Variants in LMBRD1 observed in about 807,000 individuals in gnomAD.
LMBRD1 encodes the protein LMBR1 domain containing 1.
A neutral mutation model predicts 74.8 loss-of-function variants in LMBRD1; 64 were observed. The observed-to-expected ratio is 0.86, with a 90% CI of 0.70 to 1.05. The LOEUF (loss-of-function observed/expected upper bound fraction) is 1.05, where lower values mean the gene tolerates loss of function less well. Ranked by LOEUF, LMBRD1 falls within the 50% of genes least tolerant of loss-of-function variation. LMBRD1 has a pLI of 0.00. For missense variants in LMBRD1, 652 were observed against 645.9 expected (o/e 1.01, Z -0.10); for synonymous variants, 204 against 216.3 (o/e 0.94, Z 0.50).
chr6:69,705,503 G>T, intron 9 of LMBRD1: 1 of 1,235,510 alleles, frequency 8.1e-7, no homozygotes, highest in Non-Finnish European at 1.2e-6. Flanking sequence ...ATTCTTACCC[G>T]TTTGATCTTG....
chr6:69,707,682 C>T (rs912095026), intron 9 of LMBRD1, among the ~76,000 whole-genome samples: 1 of 152,022 alleles, frequency 6.6e-6, no homozygotes, highest in Non-Finnish European at 1.5e-5. Context: ...GGTGTATTCA[C>T]ATTTGTTGAT....
At chr6:69,690,061 A>ATT (rs11365730) in intron 14 of LMBRD1, among the ~76,000 whole-genome samples, 3 of 147,848 alleles carry the variant, frequency 2.0e-5, no homozygotes, top group Non-Finnish European at 3.0e-5. Flanking sequence ...TCATTCATTC[A>ATT]TTTTTTTTTT....
chr6:69,775,760 C>A (rs1039624531), intron 3 of LMBRD1, among the ~76,000 whole-genome samples: 1 of 152,266 alleles, frequency 6.6e-6, no homozygotes, highest in Non-Finnish European at 1.5e-5. Context: ...ATTTTGTCTG[C>A]GCTCTTTGAG....
intron 14 of LMBRD1, among the ~76,000 whole-genome samples, chr6:69,681,051 C>T (rs761068206): frequency 2.0e-5 from 3 of 152,000 alleles, no homozygotes; most frequent in African/African-American, 7.2e-5. Flanking sequence ...ATTCCAGAAA[C>T]TTCTGACTGT....
intron 5 of LMBRD1, chr6:69,745,930 G>A: frequency 4.4e-6 from 1 of 228,396 alleles, no homozygotes; most frequent in Non-Finnish European, 8.8e-6. Context: ...GGTCACCAGA[G>A]CTCCTTTTAA....
At chr6:69,771,601 G>A (rs896546458) in intron 3 of LMBRD1, among the ~76,000 whole-genome samples, 1 of 152,156 alleles carries the variant, frequency 6.6e-6, no homozygotes, top group Non-Finnish European at 1.5e-5. Flanking sequence ...AGTTTGCCTA[G>A]CACAGCAAAA....
At chr6:69,741,174 T>C (rs2149871035) in intron 6 of LMBRD1, among the ~76,000 whole-genome samples, 1 of 152,254 alleles carries the variant, frequency 6.6e-6, no homozygotes, top group African/African-American at 2.4e-5. Flanking sequence ...CCTAAGTGAA[T>C]TAAAAATCAC....
intron 14 of LMBRD1, 95 bp downstream of exon 14, chr6:69,697,468 C>T (rs888938738): frequency 1.6e-5 from 14 of 849,896 alleles, no homozygotes; most frequent in Non-Finnish European, 2.2e-5. Context: ...CTTCTTACCA[C>T]GTAGTAAAAC....
intron 5 of LMBRD1, among the ~76,000 whole-genome samples, chr6:69,742,876 CA>C (rs999552751): frequency 6.6e-6 from 1 of 151,948 alleles, no homozygotes; most frequent in Non-Finnish European, 1.5e-5. Context: ...CACAGCATGT[CA>C]GGGGGTTACT....
In LMBRD1 at chr6:69,701,960, G is replaced by A. The variant is rs754770328; in HGVS notation, c.916-7C>T. Reference sequence around the variant, plus strand: ...AAAATATTCCCCAGACGATCTAAAAGCAAAAATATATTCATTAAAATATAG... The same window carrying A: ...AAAATATTCCCCAGACGATCTAAAAACAAAAATATATTCATTAAAATATAG... On this transcript the variant is annotated splice_region_variant and splice_polypyrimidine_tract_variant and intron_variant, in intron 9 of 15. Transcript: ENST00000649934. The A allele has an allele frequency of 6.5e-7, 1 of 1,542,788 alleles. No homozygotes were observed. Among genetic ancestry groups the A allele is most frequent in the Admixed American group, 1.7e-5 (1 of 59,612 alleles).
chr6:69,733,354 T>C (rs968725169), intron 7 of LMBRD1, among the ~76,000 whole-genome samples: 26 of 152,170 alleles, frequency 1.7e-4, no homozygotes, highest in Admixed American at 1.1e-3. Flanking sequence ...CAAGGTAAGT[T>C]AGGAGAAAAC....
intron 9 of LMBRD1, among the ~76,000 whole-genome samples, chr6:69,712,912 T>C (rs1766414032): frequency 6.6e-6 from 1 of 152,114 alleles, no homozygotes; most frequent in Admixed American, 6.6e-5. Flanking sequence ...TAGAAAGTTT[T>C]GGAGGTGATG....
chr6:69,709,733 A>G (rs1370001074), intron 9 of LMBRD1, among the ~76,000 whole-genome samples: 1 of 152,188 alleles, frequency 6.6e-6, no homozygotes, highest in Non-Finnish European at 1.5e-5. Flanking sequence ...AGAGTAAGAT[A>G]CAAAGACAAA....
At position 69,674,329 on chromosome 6, in the gene LMBRD1, T is replaced by C. The variant is rs1765503418; in HGVS notation, c.*1829A>G. ...AGGGGACAAGATTTCAACATATGAA[T>C]TGTAAGGGGACACAATTCAGCCTAT... is the stretch of plus-strand genomic sequence containing the variant. On this transcript the variant is annotated 3_prime_UTR_variant, in exon 16 of 16. Coordinates refer to ENST00000649934, the MANE Select transcript of LMBRD1 (RefSeq NM_018368.4). Among the ~76,000 whole-genome samples the C allele has an allele frequency of 1.3e-5, 2 of 152,162 alleles. No homozygotes were observed. The highest frequency in any genetic ancestry group is 4.1e-4 in the South Asian group (2 of 4,832).
At position 69,788,365 on chromosome 6, in the gene LMBRD1, G is replaced by A. The variant is rs76314431; in HGVS notation, c.246+1931C>T. ...ATCTATTTAAACTTAACAGCTTTCAGAAAGAAAAATATCCTAGAAATTTAT... is the reference window on the plus strand; with the variant it reads ...ATCTATTTAAACTTAACAGCTTTCAAAAAGAAAAATATCCTAGAAATTTAT... On this transcript the variant is annotated intron_variant, in intron 2 of 15. Coordinates refer to ENST00000649934, the MANE Select transcript of LMBRD1 (RefSeq NM_018368.4). 1.1e-4 allele frequency among the ~76,000 whole-genome samples: 17 copies of A among 151,950 alleles called. No homozygotes were observed. The East Asian group carries it at 3.3e-3, about 29-fold the overall frequency.
chr6:69,739,234 T>C (rs148679902), intron 6 of LMBRD1, among the ~76,000 whole-genome samples: 36 of 152,292 alleles, frequency 2.4e-4, no homozygotes, highest in African/African-American at 8.4e-4. Context: ...CATGCTGACA[T>C]ATTTGGCCAA....
rs1464792359 is a variant in LMBRD1 at position 69,674,488 on chromosome 6, G to T, written c.*1670C>A. On this transcript the variant is annotated 3_prime_UTR_variant, in exon 16 of 16. Transcript: ENST00000649934. ...TGATTCTTTGTTTAGGCAATCAAGT[G>T]TCTGCGGTGCCATTTGTCAAAAAAA... 6.6e-6 allele frequency among the ~76,000 whole-genome samples: 1 copy of T among 152,196 alleles called. No homozygotes were observed. Among genetic ancestry groups the T allele is most frequent in the Non-Finnish European group, 1.5e-5 (1 of 68,032 alleles).
At chr6:69,686,525 T>C (rs1262416779) in intron 14 of LMBRD1, among the ~76,000 whole-genome samples, 4 of 152,178 alleles carry the variant, frequency 2.6e-5, no homozygotes, top group African/African-American at 7.2e-5. Context: ...ATAATTATTA[T>C]AGATATTATC....
intron 14 of LMBRD1, among the ~76,000 whole-genome samples, chr6:69,689,314 T>C (rs1765830400): frequency 6.6e-6 from 1 of 152,094 alleles, no homozygotes; most frequent in Non-Finnish European, 1.5e-5. Context: ...ATAACTAGCT[T>C]ATATACTGTC....
Sources: gnomAD v4.1 joint callset for allele counts (sites outside exome capture counted in the v4.1 genomes callset) on GRCh38, gnomAD v4.1.1 for gene constraint, MANE v1.5 for transcripts, NCBI Gene and HGNC (gene_info 2026-07-23, HGNC 2026-07-21) for gene names.